The following RNF220 variants were observed in gnomAD, a reference collection of about 807,000 sequenced individuals.
RNF220 encodes E3 ubiquitin-protein ligase RNF220.
RNF220 carries 7 observed loss-of-function variants against 67.1 expected under a neutral mutation model. That is an observed-to-expected ratio of 0.10 (90% CI 0.06 to 0.20). RNF220 has a LOEUF of 0.20. Among genes scored for constraint, RNF220 ranks in the 10% least tolerant of loss-of-function variants. RNF220 has a pLI of 1.00. For synonymous variants in RNF220, 270 were observed against 283.2 expected (o/e 0.95, Z 0.47); for missense variants, 565 against 740.3 (o/e 0.76, Z 2.75).
At chr1:44,481,329 G>A (rs187724025) in intron 2 of RNF220, among the ~76,000 whole-genome samples, 1 of 152,222 alleles carries the variant, frequency 6.6e-6, no homozygotes, top group Non-Finnish European at 1.5e-5. Context: ...GGAGGCTGAG[G>A]CAGGGGGAAT....
intron 2 of RNF220, among the ~76,000 whole-genome samples, chr1:44,564,963 G>A (rs1663878722): frequency 1.3e-5 from 2 of 152,012 alleles, no homozygotes; most frequent in Non-Finnish European, 2.9e-5. Context: ...ACATAGCATG[G>A]GCCTGGCCTG....
intron 12 of RNF220, among the ~76,000 whole-genome samples, chr1:44,647,512 G>C (rs1644685357): frequency 7.1e-6 from 1 of 140,380 alleles, no homozygotes; most frequent in Non-Finnish European, 1.6e-5. Context: ...GTACCAGGAG[G>C]AAAGAGTCAG....
chr1:44,555,122 G>A (rs1257355536), intron 2 of RNF220, among the ~76,000 whole-genome samples: 1 of 152,108 alleles, frequency 6.6e-6, no homozygotes, highest in Non-Finnish European at 1.5e-5. Context: ...AGGCTGGAGT[G>A]CAGTGGCATA....
At chr1:44,423,453 A>G (rs1445106321) in intron 2 of RNF220, among the ~76,000 whole-genome samples, 1 of 152,154 alleles carries the variant, frequency 6.6e-6, no homozygotes, top group African/African-American at 2.4e-5. Flanking sequence ...GAGGCTCATC[A>G]TCATCTAGGG....
intron 2 of RNF220, among the ~76,000 whole-genome samples, chr1:44,564,368 C>T (rs1663818484): frequency 6.6e-6 from 1 of 152,216 alleles, no homozygotes; most frequent in African/African-American, 2.4e-5. Context: ...TGGATCTCTC[C>T]CCAGAGATTC....
intron 2 of RNF220, among the ~76,000 whole-genome samples, chr1:44,501,836 T>A (rs995659459): frequency 6.6e-5 from 10 of 152,030 alleles, no homozygotes; most frequent in Admixed American, 6.6e-4. Context: ...GCTCTTACCC[T>A]CTGCTGACCC....
At chr1:44,573,014 C>T (rs1267715605) in intron 2 of RNF220, 1 of 401,822 alleles carries the variant, frequency 2.5e-6, no homozygotes, top group Non-Finnish European at 5.1e-6. Context: ...AGAAAGCACG[C>T]AGGAGAACTG....
intron 2 of RNF220, among the ~76,000 whole-genome samples, chr1:44,534,788 C>G (rs1030255602): frequency 2.6e-5 from 4 of 152,174 alleles, no homozygotes; most frequent in African/African-American, 9.7e-5. Context: ...TGTGATACAT[C>G]AAAGCACACC....
chr1:44,635,508 G>A, intron 6 of RNF220, 37 bp from the exon 7 acceptor site: 9 of 1,608,734 alleles, frequency 5.6e-6, no homozygotes, highest in Non-Finnish European at 7.6e-6. Context: ...GTGACCGTCT[G>A]CTTGTTCTGT....
chr1:44,424,069 C>G, intron 2 of RNF220: 1 of 967,672 alleles, frequency 1.0e-6, no homozygotes, highest in Non-Finnish European at 1.2e-6. Flanking sequence ...GCGTTGTGCT[C>G]GGTGCTGTTT....
chr1:44,594,273 T>C (rs1237571807), intron 2 of RNF220, among the ~76,000 whole-genome samples: 6 of 149,864 alleles, frequency 4.0e-5, no homozygotes, highest in Admixed American at 3.3e-4. Context: ...CCTCCCCCCC[T>C]CCCTCCTTGT....
chr1:44,452,199 C>T (rs1415632589), intron 2 of RNF220, among the ~76,000 whole-genome samples: 1 of 152,000 alleles, frequency 6.6e-6, no homozygotes, highest in African/African-American at 2.4e-5. Context: ...TATTTTTGGT[C>T]CATTTGTGTG....
chr1:44,419,282 G>C (rs1375663576), intron 2 of RNF220: 1 of 152,188 alleles, frequency 6.6e-6, no homozygotes, highest in Non-Finnish European at 1.5e-5. Flanking sequence ...GTAGGAATTT[G>C]TAAGTATCTC....
chr1:44,444,172 C>T (rs975740940), intron 2 of RNF220, among the ~76,000 whole-genome samples: 2 of 152,168 alleles, frequency 1.3e-5, no homozygotes, highest in Admixed American at 6.5e-5. Context: ...TATAACCCAT[C>T]CTCTCTTACT....
chr1:44,447,400 A>T (rs1397706180), intron 2 of RNF220, among the ~76,000 whole-genome samples: 1 of 152,188 alleles, frequency 6.6e-6, no homozygotes, highest in Non-Finnish European at 1.5e-5. Flanking sequence ...ATATCTTTCA[A>T]ATCTATATAC....
At chr1:44,617,656 T>C (rs982837946) in intron 3 of RNF220, among the ~76,000 whole-genome samples, 1 of 152,182 alleles carries the variant, frequency 6.6e-6, no homozygotes, top group Non-Finnish European at 1.5e-5. Flanking sequence ...GATGACACAC[T>C]GGGGTTCCTG....
At chr1:44,590,037 A>T (rs1666004674) in intron 2 of RNF220, among the ~76,000 whole-genome samples, 3 of 152,150 alleles carry the variant, frequency 2.0e-5, no homozygotes, top group Non-Finnish European at 2.9e-5. Context: ...AAAGCCAGAT[A>T]TGGGGATGGA....
intron 2 of RNF220, among the ~76,000 whole-genome samples, chr1:44,459,025 C>A (rs1476538574): frequency 6.6e-6 from 1 of 152,128 alleles, no homozygotes; most frequent in Admixed American, 6.6e-5. Flanking sequence ...GCTTTCATCT[C>A]ATTGACTGCC....
chr1:44,570,056 G>A (rs1179044630), intron 2 of RNF220, among the ~76,000 whole-genome samples: 2 of 152,204 alleles, frequency 1.3e-5, no homozygotes, highest in African/African-American at 4.8e-5. Context: ...GCAGCACAAA[G>A]GAAGGAGTTG....
Sources: gnomAD v4.1 joint callset for allele counts (sites outside exome capture counted in the v4.1 genomes callset) on GRCh38, gnomAD v4.1.1 for gene constraint, MANE v1.5 for transcripts, NCBI Gene and HGNC (gene_info 2026-07-23, HGNC 2026-07-21) for gene names.